The following PTPRT variants were observed in gnomAD, a reference collection of about 807,000 sequenced individuals.
PTPRT encodes the protein receptor-type tyrosine-protein phosphatase T.
In PTPRT, 56 loss-of-function variants were observed where a neutral mutation model predicts 176.8. The observed-to-expected ratio is 0.32, with a 90% CI of 0.26 to 0.40. The LOEUF is 0.40. PTPRT is among the 10% of genes least tolerant of loss of function. PTPRT has a pLI of 1.00. For missense variants in PTPRT, 1,540 were observed against 1,908.2 expected, an observed-to-expected ratio of 0.81 and a Z score of 3.60; for synonymous variants, 783 against 739.0, an observed-to-expected ratio of 1.06 and a Z score of -0.96.
At chr20:42,348,370 T>TTTCATTTA (rs1555830098) in intron 11 of PTPRT, among the ~76,000 whole-genome samples, 20 of 146,618 alleles carry the variant, frequency 1.4e-4, no homozygotes, top group South Asian at 1.3e-3. Context: ...GTGACATTTC[T>TTTCATTTA]TTTATTTATT....
chr20:42,459,466 G>C (rs1169020860), intron 8 of PTPRT, among the ~76,000 whole-genome samples: 6 of 152,222 alleles, frequency 3.9e-5, no homozygotes, highest in African/African-American at 1.4e-4. Context: ...CAGAGCTGAA[G>C]CTGCAAAGAT....
chr20:43,129,610 G>GTTT (rs566588457), intron 1 of PTPRT, among the ~76,000 whole-genome samples: 5 of 105,670 alleles, frequency 4.7e-5, no homozygotes, highest in Admixed American at 2.1e-4. Context: ...ACTCCAAAGA[G>GTTT]TTCTTTTTTT....
intron 1 of PTPRT, among the ~76,000 whole-genome samples, chr20:43,162,567 A>G (rs1233091475): frequency 2.0e-5 from 3 of 152,240 alleles, no homozygotes; most frequent in African/African-American, 7.2e-5. Context: ...GCACACAACG[A>G]TCAATGCCCC....
rs541745955 is a variant in PTPRT at position 42,209,594 on chromosome 20, C to A, written c.2343-10206G>T. ...CACATACACTCTCCCAAGACTAAAC[C>A]AGGAAGAAGTTGAATCTCTGAATAG... On this transcript the variant is annotated intron_variant, in intron 15 of 30. Transcript: ENST00000373187. Among the ~76,000 whole-genome samples, 4 of 152,066 alleles carry A rather than the reference C, an allele frequency of 2.6e-5. No individual in the cohort carries two copies. The East Asian group carries it at 7.7e-4, about 29-fold the overall frequency.
At chr20:42,091,805 G>T (rs981498009) in intron 27 of PTPRT, among the ~76,000 whole-genome samples, 1 of 152,222 alleles carries the variant, frequency 6.6e-6, no homozygotes, top group Non-Finnish European at 1.5e-5. Context: ...GGGAGAGAGA[G>T]GGGGGAGAGA....
chr20:42,054,518 GT>G, the PTPRT span, among the ~76,000 whole-genome samples: 11 of 152,328 alleles, frequency 7.2e-5, no homozygotes, highest in African/African-American at 2.6e-4. Flanking sequence ...CTGGTTAACT[GT>G]CTTTGAATTG....
At chr20:42,848,419 A>G (rs1939181251) in intron 2 of PTPRT, among the ~76,000 whole-genome samples, 1 of 152,186 alleles carries the variant, frequency 6.6e-6, no homozygotes, top group African/African-American at 2.4e-5. Context: ...TAGTGGTTGT[A>G]CTAGTTTACA....
intron 1 of PTPRT, among the ~76,000 whole-genome samples, chr20:42,904,160 A>G (rs1320938643): frequency 6.6e-6 from 1 of 152,132 alleles, no homozygotes; most frequent in Non-Finnish European, 1.5e-5. Flanking sequence ...TGGAACAAGC[A>G]CTCAGCAACT....
intron 13 of PTPRT, among the ~76,000 whole-genome samples, chr20:42,261,470 A>G (rs908697929): frequency 3.9e-5 from 6 of 152,104 alleles, no homozygotes; most frequent in Non-Finnish European, 7.3e-5. Context: ...GGGGAACACA[A>G]TTCAACTTCT....
At chr20:42,086,739 A>ATATATATATAT (rs1555858277) in intron 27 of PTPRT, among the ~76,000 whole-genome samples, 2 of 65,378 alleles carry the variant, frequency 3.1e-5, no homozygotes, top group African/African-American at 7.4e-5. Flanking sequence ...AAAAAAAAAA[A>ATATATATATAT]AAAAAAAAAA....
At chr20:42,342,408 A>T (rs1368419302) in intron 11 of PTPRT, among the ~76,000 whole-genome samples, 1 of 152,188 alleles carries the variant, frequency 6.6e-6, no homozygotes, top group African/African-American at 2.4e-5. Flanking sequence ...ATGTCTGGGT[A>T]TCTCTTATCC....
At chr20:42,330,348 T>C (rs1168731608) in intron 11 of PTPRT, among the ~76,000 whole-genome samples, 1 of 151,902 alleles carries the variant, frequency 6.6e-6, no homozygotes, top group Non-Finnish European at 1.5e-5. Flanking sequence ...TAGGGGCACA[T>C]GTCTGCAGTC....
intron 3 of PTPRT, among the ~76,000 whole-genome samples, chr20:42,785,078 T>C (rs2077269223): frequency 6.6e-6 from 1 of 152,210 alleles, no homozygotes; most frequent in East Asian, 1.9e-4. Context: ...ACTAAGTCTT[T>C]CTATAACACA....
At chr20:43,058,933 G>A (rs1012343060) in intron 1 of PTPRT, among the ~76,000 whole-genome samples, 8 of 152,156 alleles carry the variant, frequency 5.3e-5, no homozygotes, top group Admixed American at 1.3e-4. Context: ...GACCACCTCG[G>A]GTGACCAATG....
chr20:42,196,034 T>C (rs1386854313), intron 16 of PTPRT, among the ~76,000 whole-genome samples: 1 of 152,226 alleles, frequency 6.6e-6, no homozygotes, highest in African/African-American at 2.4e-5. Flanking sequence ...TACCCAGGTT[T>C]GCATTTGAGA....
chr20:42,201,804 C>T (rs1159554454), intron 15 of PTPRT, among the ~76,000 whole-genome samples: 1 of 151,082 alleles, frequency 6.6e-6, no homozygotes, highest in African/African-American at 2.4e-5. Context: ...TGGCAGTTCT[C>T]ACTAGCTGAA....
intron 12 of PTPRT, among the ~76,000 whole-genome samples, chr20:42,308,010 T>A (rs530686272): frequency 6.6e-6 from 1 of 152,168 alleles, no homozygotes; most frequent in Admixed American, 6.5e-5. Context: ...ACCGGCACCA[T>A]GACAGTTTAT....
chr20:42,060,809 C>T, the PTPRT span, among the ~76,000 whole-genome samples: 99 of 152,320 alleles, frequency 6.5e-4, no homozygotes, highest in Middle Eastern at 6.8e-3. Context: ...CCTGTTTCAA[C>T]ATCCCCAAAT....
intron 7 of PTPRT, among the ~76,000 whole-genome samples, chr20:42,654,911 T>G (rs971472592): frequency 1.3e-5 from 2 of 152,212 alleles, no homozygotes; most frequent in Non-Finnish European, 2.9e-5. Context: ...GAAGAGAAAT[T>G]TATAGATTAT....
Sources: allele counts gnomAD v4.1 joint callset (sites outside exome capture counted in the v4.1 genomes callset), GRCh38; gene constraint gnomAD v4.1.1; transcripts MANE v1.5; gene names NCBI Gene and HGNC (gene_info 2026-07-23, HGNC 2026-07-21).